LCLAT1: variants seen among roughly 807,000 people sequenced by gnomAD.
The protein encoded by LCLAT1 is lysocardiolipin acyltransferase 1.
LCLAT1 carries 11 observed loss-of-function variants against 30.7 expected under a neutral mutation model. That is an observed-to-expected ratio of 0.36 (90% confidence interval 0.23 to 0.59). LCLAT1 has a LOEUF of 0.59. LCLAT1 is among the 20% of genes least tolerant of loss of function. The pLI is 0.77. For synonymous variants in LCLAT1, 155 were observed against 151.3 expected, an observed-to-expected ratio of 1.02 and a Z score of -0.18; for missense variants, 402 against 458.6, an observed-to-expected ratio of 0.88 and a Z score of 1.13.
At position 30,640,071 on chromosome 2, in the gene LCLAT1, A is replaced by C. The variant is rs199671433; in HGVS notation, c.629-46A>C. On this transcript the variant is annotated intron_variant, in intron 5 of 5. Coordinates refer to ENST00000379509, the MANE Select transcript of LCLAT1 (RefSeq NM_001002257.3). Reference sequence around the variant, plus strand: ...GCAGTGTGAATCAGCATTATCACCCAAATTGAGCACTGCTTAATCTATGTT... The same window carrying C: ...GCAGTGTGAATCAGCATTATCACCCCAATTGAGCACTGCTTAATCTATGTT... 103 of 1,506,132 alleles carry C rather than the reference A, an allele frequency of 6.8e-5. No individual in the cohort carries two copies. In the African/African-American group the frequency reaches 1.2e-3, roughly 17 times the overall value. The allele number at this position is 1,506,132 out of a possible 1,614,324, so 93.3% of individuals were successfully genotyped here.
At chr2:30,504,416 A>G (rs770408600) in intron 1 of LCLAT1, among the ~76,000 whole-genome samples, 9 of 152,134 alleles carry the variant, frequency 5.9e-5, no homozygotes, top group Admixed American at 2.6e-4. Context: ...AAACCAAATG[A>G]TGGTTTTATT....
intron 5 of LCLAT1, among the ~76,000 whole-genome samples, chr2:30,617,775 T>C (rs1398166086): frequency 2.0e-5 from 3 of 152,158 alleles, no homozygotes; most frequent in African/African-American, 7.2e-5. Flanking sequence ...CTGGGCTTAT[T>C]TGTCTTTCAT....
At position 30,595,824 on chromosome 2, in the gene LCLAT1, C is replaced by G. The variant is rs551937588; in HGVS notation, c.628+27648C>G. 6.2e-4 allele frequency among the ~76,000 whole-genome samples: 95 copies of G among 152,136 alleles called. No homozygotes were observed. In the Middle Eastern group the frequency reaches 0.017, roughly 27 times the overall value. The stretch of plus-strand genomic sequence containing the variant: ...CCCACGGCAGGCCCCAGTGTGTGTT[C>G]TGTGTTGTTCCCCTAACTATGTCCA... On this transcript the variant is annotated intron_variant, in intron 5 of 5. Transcript: ENST00000379509.
chr2:30,577,097 AATT>A (rs1365333416), intron 5 of LCLAT1, among the ~76,000 whole-genome samples: 9 of 148,898 alleles, frequency 6.0e-5, no homozygotes, highest in African/African-American at 2.2e-4. Context: ...TGTTATATAA[AATT>A]ATATTAATAT....
chr2:30,570,434 G>A (rs1665730284), intron 5 of LCLAT1, among the ~76,000 whole-genome samples: 1 of 152,116 alleles, frequency 6.6e-6, no homozygotes, highest in African/African-American at 2.4e-5. Context: ...CATTTACTAT[G>A]TACCTGGCAT....
intron 1 of LCLAT1, among the ~76,000 whole-genome samples, chr2:30,460,529 C>T (rs1224495789): frequency 6.6e-6 from 1 of 152,168 alleles, no homozygotes; most frequent in Admixed American, 6.5e-5. Context: ...ATAATAGTCT[C>T]CATTTCTTGT....
chr2:30,484,445 A>G (rs1465161375), intron 1 of LCLAT1, among the ~76,000 whole-genome samples: 3 of 152,164 alleles, frequency 2.0e-5, no homozygotes, highest in South Asian at 2.1e-4. Flanking sequence ...TCGTTGTACC[A>G]TGTGATTCTA....
chr2:30,528,393 A>G (rs886922890), intron 2 of LCLAT1, among the ~76,000 whole-genome samples: 1 of 152,256 alleles, frequency 6.6e-6, no homozygotes, highest in South Asian at 2.1e-4. Context: ...GTATTTGTAC[A>G]GTTTCAATTA....
chr2:30,605,948 A>G, intron 5 of LCLAT1: 2 of 1,168,690 alleles, frequency 1.7e-6, no homozygotes, highest in East Asian at 7.4e-5. Flanking sequence ...CCTCACTTGC[A>G]CAGTTCACAG....
At chr2:30,536,160 C>T (rs573924195) in intron 3 of LCLAT1, among the ~76,000 whole-genome samples, 5 of 152,154 alleles carry the variant, frequency 3.3e-5, no homozygotes, top group East Asian at 1.9e-4. Flanking sequence ...CATCATTAAG[C>T]GATCAATTTT....
chr2:30,477,181 C>T (rs1265625014), intron 1 of LCLAT1, among the ~76,000 whole-genome samples: 1 of 152,126 alleles, frequency 6.6e-6, no homozygotes. Flanking sequence ...ATTTACCACC[C>T]TCTTTATTGG....
At chr2:30,599,230 C>T (rs963650869) in intron 5 of LCLAT1, among the ~76,000 whole-genome samples, 6 of 152,164 alleles carry the variant, frequency 3.9e-5, no homozygotes, top group Admixed American at 2.0e-4. Flanking sequence ...GATCCGCCCA[C>T]CTCAGCCTCC....
At chr2:30,579,310 T>C (rs2148463993) in intron 5 of LCLAT1, among the ~76,000 whole-genome samples, 1 of 152,288 alleles carries the variant, frequency 6.6e-6, no homozygotes, top group East Asian at 1.9e-4. Context: ...TTTAAAGCTG[T>C]ATACATTAAA....
chr2:30,636,622 A>G (rs139298515), intron 5 of LCLAT1, among the ~76,000 whole-genome samples: 46 of 152,302 alleles, frequency 3.0e-4, no homozygotes, highest in African/African-American at 1.0e-3. Flanking sequence ...TGGTGCCATC[A>G]AACTTGCCAT....
chr2:30,545,588 T>C (rs1479642426), intron 3 of LCLAT1, among the ~76,000 whole-genome samples: 1 of 152,170 alleles, frequency 6.6e-6, no homozygotes, highest in Admixed American at 6.5e-5. Flanking sequence ...ATAAAGAGTT[T>C]TGTTAAATTA....
At chr2:30,513,248 G>A (rs1162464580) in intron 1 of LCLAT1, among the ~76,000 whole-genome samples, 1 of 151,792 alleles carries the variant, frequency 6.6e-6, no homozygotes, top group African/African-American at 2.4e-5. Flanking sequence ...AATTATTAAT[G>A]TGTAGTTATA....
intron 5 of LCLAT1, among the ~76,000 whole-genome samples, chr2:30,572,915 T>C (rs1463720477): frequency 6.6e-6 from 1 of 152,174 alleles, no homozygotes; most frequent in Non-Finnish European, 1.5e-5. Flanking sequence ...CAAATTGTGA[T>C]TTCATTCTCT....
chr2:30,624,124 T>G (rs2148519726), intron 5 of LCLAT1, among the ~76,000 whole-genome samples: 1 of 152,248 alleles, frequency 6.6e-6, no homozygotes, highest in East Asian at 1.9e-4. Flanking sequence ...GCTCTAAATC[T>G]TGAAAAAATC....
chr2:30,640,850 T>C lies in LCLAT1; in HGVS notation c.*231T>C. 1 of 446,308 alleles carries C rather than the reference T, an allele frequency of 2.2e-6. No individual in the cohort carries two copies. Among genetic ancestry groups the C allele is most frequent in the East Asian group, 4.4e-5 (1 of 22,774 alleles). The allele number at this position is 446,308 out of a possible 1,614,324, so 27.6% of individuals were successfully genotyped here. A position where few individuals can be genotyped will look rare whatever the true frequency, so the allele number is the denominator to read the frequency against. ...ATAGCAGGGAGTGATCGGGGTGAAA[T>C]AACTTGGGCCAGAATATTATTAAAC... On this transcript the variant is annotated 3_prime_UTR_variant, in exon 6 of 6. Transcript: ENST00000379509.
Sources: gnomAD v4.1 joint callset for allele counts (sites outside exome capture counted in the v4.1 genomes callset) on GRCh38, gnomAD v4.1.1 for gene constraint, MANE v1.5 for transcripts, NCBI Gene and HGNC (gene_info 2026-07-23, HGNC 2026-07-21) for gene names.